The following PDE10A variants were observed in gnomAD, a reference collection of about 807,000 sequenced individuals.
PDE10A encodes the protein phosphodiesterase 10A.
A neutral mutation model predicts 97.7 loss-of-function variants in PDE10A; 39 were observed. The ratio of observed to expected loss-of-function variants is 0.40; its 90% CI spans 0.31 to 0.52. The LOEUF (loss-of-function observed/expected upper bound fraction) is 0.52. Ranked by LOEUF, PDE10A falls within the 20% of genes least tolerant of loss-of-function variation. The probability of loss-of-function intolerance (pLI) is 0.56; values close to 1 mark genes in which losing one functional copy is unlikely to be tolerated. For missense variants in PDE10A, 731 were observed against 1,047.8 expected, an observed-to-expected ratio of 0.70 and a Z score of 4.17; for synonymous variants, 371 against 376.8, an observed-to-expected ratio of 0.98 and a Z score of 0.18.
At position 165,941,642 on chromosome 6, in the gene PDE10A, C is replaced by A. The variant is rs118082111; in HGVS notation, c.-615+45887G>T. 2.2e-4 allele frequency among the ~76,000 whole-genome samples: 34 copies of A among 152,308 alleles called. No individual in the cohort carries two copies. The East Asian group carries it at 5.2e-3, about 23-fold the overall frequency. The stretch of plus-strand genomic sequence containing the variant: ...TGTAGCAACTCCCTCCCCCACTCTC[C>A]CTTGCTCCTGCTTTTGCCATGTGAT... On this transcript the variant is annotated intron_variant, in intron 1 of 19. Coordinates refer to the PDE10A transcript ENST00000366882.
At chr6:165,732,363 A>G (rs1583008509) in intron 1 of PDE10A, among the ~76,000 whole-genome samples, 1 of 152,180 alleles carries the variant, frequency 6.6e-6, no homozygotes. Context: ...GGTGGGGCAG[A>G]CCCTGGGGGC....
chr6:165,689,410 G>A (rs1421207424), intron 1 of PDE10A, among the ~76,000 whole-genome samples: 1 of 152,180 alleles, frequency 6.6e-6, no homozygotes, highest in African/African-American at 2.4e-5. Flanking sequence ...GATACAGTTT[G>A]GATGTCTGTT....
intron 1 of PDE10A, among the ~76,000 whole-genome samples, chr6:165,641,979 G>A (rs1208023956): frequency 6.6e-6 from 1 of 151,864 alleles, no homozygotes; most frequent in Non-Finnish European, 1.5e-5. Flanking sequence ...TAGGAATCTG[G>A]TTTCCTTTGA....
intron 17 of PDE10A, among the ~76,000 whole-genome samples, chr6:165,379,790 CTA>C (rs1784827070): frequency 6.6e-6 from 1 of 152,178 alleles, no homozygotes; most frequent in South Asian, 2.1e-4. Context: ...AAAAAGGCAT[CTA>C]TATCCTTGTC....
intron 1 of PDE10A, chr6:165,545,096 A>G (rs1395090735): frequency 4.3e-6 from 2 of 463,008 alleles, no homozygotes; most frequent in Non-Finnish European, 8.3e-6. Flanking sequence ...TGCAAATTTC[A>G]TGCTCTCTTT....
intron 3 of PDE10A, among the ~76,000 whole-genome samples, chr6:165,463,663 T>A (rs1038015843): frequency 6.7e-6 from 1 of 148,422 alleles, no homozygotes; most frequent in Non-Finnish European, 1.5e-5. Context: ...AAGGGGGACA[T>A]GTTGGGAATA....
rs542482307 is a variant in PDE10A, at chr6:165,851,695, G to A, written c.-615+135834C>T. ...TTTTGTGATAATAACAGGCAGAAATGGGAGAGTGGGGTAGTCCATATTGAA... is the reference window on the plus strand; with the variant it reads ...TTTTGTGATAATAACAGGCAGAAATAGGAGAGTGGGGTAGTCCATATTGAA... On this transcript the variant is annotated intron_variant, in intron 1 of 19. Coordinates refer to the PDE10A transcript ENST00000366882. 4.4e-4 allele frequency among the ~76,000 whole-genome samples: 67 copies of A among 152,300 alleles called. 1 individual carries two copies. Among genetic ancestry groups the A allele is most frequent in the Non-Finnish European group, 7.6e-4 (52 of 68,022 alleles).
chr6:165,801,706 T>C (rs1160766284), intron 1 of PDE10A, among the ~76,000 whole-genome samples: 1 of 152,248 alleles, frequency 6.6e-6, no homozygotes, highest in Non-Finnish European at 1.5e-5. Flanking sequence ...ATTCTCAGTA[T>C]ATGTTTTTCT....
At chr6:165,681,418 GTGTGTGTGTGTC>G (rs1244816683) in intron 1 of PDE10A, among the ~76,000 whole-genome samples, 1 of 149,248 alleles carries the variant, frequency 6.7e-6, no homozygotes, top group African/African-American at 2.6e-5. Context: ...GTGTGTGTGT[GTGTGTGTGTGTC>G]TGTGTGCATT....
intron 1 of PDE10A, among the ~76,000 whole-genome samples, chr6:165,790,769 T>C (rs1778624548): frequency 6.6e-6 from 1 of 152,206 alleles, no homozygotes; most frequent in East Asian, 1.9e-4. Context: ...GGCTGGAAAG[T>C]GTGTGGATTG....
rs528348352 is a variant in PDE10A at position 165,330,359 on chromosome 6, C to G, written c.*2666G>C. ...TGGGAACAAGACAAGAAACATGACCCGAAAGTCTGTCTCCTAAACATCTGA... is the reference window on the plus strand; with the variant it reads ...TGGGAACAAGACAAGAAACATGACCGGAAAGTCTGTCTCCTAAACATCTGA... On this transcript the variant is annotated 3_prime_UTR_variant, in exon 22 of 22. Transcript: ENST00000539869. 6.6e-6 allele frequency: 1 copy of G among 152,210 alleles called. No homozygotes were observed. Among genetic ancestry groups the G allele is most frequent in the African/African-American group, 2.4e-5 (1 of 41,532 alleles). The allele number at this position is 152,210 out of a possible 1,614,324, so 9.4% of individuals were successfully genotyped here. A position where few individuals can be genotyped will look rare whatever the true frequency, so the allele number is the denominator to read the frequency against.
intron 1 of PDE10A, among the ~76,000 whole-genome samples, chr6:165,867,599 C>T (rs1357826263): frequency 6.6e-6 from 1 of 151,984 alleles, no homozygotes; most frequent in Admixed American, 6.6e-5. Flanking sequence ...ACATCTCGCT[C>T]TCAGCACTTG....
chr6:165,696,148 A>C (rs112102322), intron 1 of PDE10A, among the ~76,000 whole-genome samples: 4 of 152,340 alleles, frequency 2.6e-5, no homozygotes, highest in Admixed American at 1.3e-4. Flanking sequence ...TAATCCAGCC[A>C]GTAACTAAGT....
intron 1 of PDE10A, among the ~76,000 whole-genome samples, chr6:165,875,201 A>G (rs1027609204): frequency 2.0e-5 from 3 of 152,036 alleles, no homozygotes; most frequent in Admixed American, 6.5e-5. Flanking sequence ...AAACTTGTGC[A>G]TGTGCTTTTC....
intron 1 of PDE10A, among the ~76,000 whole-genome samples, chr6:165,725,348 CCA>C (rs1250061490): frequency 2.6e-5 from 4 of 152,232 alleles, no homozygotes; most frequent in African/African-American, 9.6e-5. Context: ...TAACACACAC[CCA>C]CTAGGGCTTT....
At chr6:165,686,406 G>C (rs1452740317) in intron 1 of PDE10A, among the ~76,000 whole-genome samples, 1 of 152,018 alleles carries the variant, frequency 6.6e-6, no homozygotes, top group Non-Finnish European at 1.5e-5. Context: ...TGCAGCGCTT[G>C]TTGTTGTTGG....
chr6:165,846,799 C>T (rs1182019112), intron 1 of PDE10A, among the ~76,000 whole-genome samples: 1 of 152,238 alleles, frequency 6.6e-6, no homozygotes, highest in African/African-American at 2.4e-5. Context: ...GCTAGCGTCC[C>T]TTCCTTTCTC....
At chr6:165,522,972 C>A (rs981904335) in intron 2 of PDE10A, among the ~76,000 whole-genome samples, 1 of 151,736 alleles carries the variant, frequency 6.6e-6, no homozygotes, top group Admixed American at 6.6e-5. Context: ...TTTCTATATA[C>A]CAACAGTATT....
At chr6:165,519,576 C>T (rs1225593520) in intron 2 of PDE10A, among the ~76,000 whole-genome samples, 2 of 152,066 alleles carry the variant, frequency 1.3e-5, no homozygotes, top group East Asian at 3.9e-4. Context: ...GCAAAATACT[C>T]CCTGCTGCTC....
Sources: gnomAD v4.1 joint callset for allele counts (sites outside exome capture counted in the v4.1 genomes callset) on GRCh38, gnomAD v4.1.1 for gene constraint, MANE v1.5 for transcripts, NCBI Gene and HGNC (gene_info 2026-07-23, HGNC 2026-07-21) for gene names.